The following KDM2A variants were observed in gnomAD, a reference collection of about 807,000 sequenced individuals.
The protein encoded by KDM2A is lysine-specific demethylase 2A.
KDM2A carries 3 observed loss-of-function variants against 137.3 expected under a neutral mutation model. The observed-to-expected ratio is 0.02, with a 90% confidence interval of 0.01 to 0.06. KDM2A has a LOEUF of 0.06. KDM2A is among the 10% of genes least tolerant of loss of function. The probability of loss-of-function intolerance (pLI) is 1.00; values close to 1 mark genes in which losing one functional copy is unlikely to be tolerated. For missense variants in KDM2A, 738 were observed against 1,510.6 expected (o/e 0.49, Z 8.48); for synonymous variants, 512 against 541.5 (o/e 0.95, Z 0.76).
chr11:67,172,644 GTGTGT>G, intron 2 of KDM2A, among the ~76,000 whole-genome samples: 1 of 151,608 alleles, frequency 6.6e-6, no homozygotes, highest in Non-Finnish European at 1.5e-5. Flanking sequence ...GTGTGTGTGT[GTGTGT>G]GGATTCCTTA....
At chr11:67,221,437 T>C (rs1181037882) in intron 10 of KDM2A, among the ~76,000 whole-genome samples, 1 of 152,216 alleles carries the variant, frequency 6.6e-6, no homozygotes, top group African/African-American at 2.4e-5. Context: ...AACTTTTATA[T>C]GAATGGTCTT....
At chr11:67,181,644 G>A (rs1857093956) in intron 4 of KDM2A, among the ~76,000 whole-genome samples, 1 of 150,560 alleles carries the variant, frequency 6.6e-6, no homozygotes, top group Non-Finnish European at 1.5e-5. Context: ...CCACCCTTAG[G>A]TAGATCATTA....
At chr11:67,169,760 T>TCTC (rs1555084878) in intron 2 of KDM2A, among the ~76,000 whole-genome samples, 3 of 19,658 alleles carry the variant, frequency 1.5e-4, no homozygotes, top group African/African-American at 1.8e-4. Context: ...TCTCTCTCTC[T>TCTC]TTTTTTTTTT....
intron 5 of KDM2A, among the ~76,000 whole-genome samples, chr11:67,205,492 AT>A (rs1027746105): frequency 2.0e-5 from 3 of 150,436 alleles, no homozygotes; most frequent in African/African-American, 7.3e-5. Flanking sequence ...ATAGATATAA[AT>A]TTTTTTTTTC....
At chr11:67,218,669 A>T (rs955486766) in intron 9 of KDM2A, among the ~76,000 whole-genome samples, 2 of 151,974 alleles carry the variant, frequency 1.3e-5, no homozygotes, top group Non-Finnish European at 2.9e-5. Flanking sequence ...CAGTAGCGTG[A>T]TCTTGGCTCA....
chr11:67,165,751 A>G (rs1191475892), intron 2 of KDM2A, among the ~76,000 whole-genome samples: 4 of 152,202 alleles, frequency 2.6e-5, no homozygotes, highest in Non-Finnish European at 5.9e-5. Context: ...GGTTTTTATC[A>G]TTAACCAAGC....
intron 12 of KDM2A, among the ~76,000 whole-genome samples, chr11:67,242,274 GTGTA>G (rs1490153573): frequency 2.1e-4 from 15 of 69,892 alleles, no homozygotes; most frequent in Non-Finnish European, 2.6e-4. Context: ...CTGTGGGTGT[GTGTA>G]TGTGTGTGTG....
intron 2 of KDM2A, among the ~76,000 whole-genome samples, chr11:67,176,169 T>C (rs761041597): frequency 1.3e-5 from 2 of 152,204 alleles, no homozygotes; most frequent in African/African-American, 4.8e-5. Flanking sequence ...AGATACTAGA[T>C]TTCCCTTTTG....
At chr11:67,219,148 A>G in intron 9 of KDM2A, 140 bp from the exon 10 acceptor site, 1 of 435,568 alleles carries the variant, frequency 2.3e-6, no homozygotes, top group East Asian at 3.6e-5. Context: ...TGAGGCTTTG[A>G]GAGATTAAGT....
intron 1 of KDM2A, among the ~76,000 whole-genome samples, chr11:67,120,738 G>A (rs1447985849): frequency 1.3e-5 from 2 of 152,066 alleles, no homozygotes; most frequent in African/African-American, 4.8e-5. Flanking sequence ...GAGGGGTATG[G>A]GAAATTGTTT....
chr11:67,173,419 G>C (rs1177776648), intron 2 of KDM2A, among the ~76,000 whole-genome samples: 1 of 152,150 alleles, frequency 6.6e-6, no homozygotes, highest in Non-Finnish European at 1.5e-5. Flanking sequence ...ACCGTTCTTG[G>C]CCTAATTTTT....
In KDM2A at chr11:67,254,183, C is replaced by T; in HGVS notation, c.3092-20C>T. ...AGAGAATTGAGAGTTTTGATCTAGG[C>T]TCTTCTCTTGCCTGTACAGGTCAGG... On this transcript the variant is annotated intron_variant, in intron 19 of 20. Coordinates refer to ENST00000529006, the MANE Select transcript of KDM2A (RefSeq NM_012308.3). This position sits in a 1 kb window ranked among gnomAD's most constrained non-coding sequence, Gnocchi z 4.7. The T allele has an allele frequency of 6.2e-7, 1 of 1,601,956 alleles. No homozygotes were observed. The highest frequency in any genetic ancestry group is 2.2e-5 in the East Asian group (1 of 44,758).
chr11:67,163,191 C>T (rs1343440491), intron 2 of KDM2A, among the ~76,000 whole-genome samples: 3 of 152,126 alleles, frequency 2.0e-5, no homozygotes, highest in Non-Finnish European at 4.4e-5. Flanking sequence ...TATGTTTGAC[C>T]TTCCTTCAAA....
At chr11:67,172,404 T>A (rs1436624178) in intron 2 of KDM2A, among the ~76,000 whole-genome samples, 1 of 152,220 alleles carries the variant, frequency 6.6e-6, no homozygotes, top group Non-Finnish European at 1.5e-5. Flanking sequence ...GCCTTTCAGT[T>A]CATGAACACA....
At chr11:67,151,402 CAG>C (rs1335598793) in intron 2 of KDM2A, among the ~76,000 whole-genome samples, 4 of 151,964 alleles carry the variant, frequency 2.6e-5, no homozygotes, top group Non-Finnish European at 5.9e-5. Context: ...TATTTTGAGA[CAG>C]AGTTTCACTC....
intron 5 of KDM2A, among the ~76,000 whole-genome samples, chr11:67,187,135 A>G (rs1245505649): frequency 6.6e-6 from 1 of 152,222 alleles, no homozygotes; most frequent in Non-Finnish European, 1.5e-5. Context: ...ATAACCATAA[A>G]GACAAGATCT....
rs1054078491 is a variant in KDM2A, at chr11:67,159,648, G to A, written c.43-20431G>A. On this transcript the variant is annotated intron_variant, in intron 2 of 20. Transcript: ENST00000529006. ...GCCATTTGCAACTAGTAAATAATCT[G>A]TGGGGTGATTCTTTGGCCATGAACA... is the stretch of plus-strand genomic sequence containing the variant. 2.0e-5 allele frequency among the ~76,000 whole-genome samples: 3 copies of A among 152,200 alleles called. No homozygotes were observed. In the East Asian group the frequency reaches 5.8e-4, roughly 29 times the overall value.
At chr11:67,186,582 G>A (rs1163598902) in intron 5 of KDM2A, among the ~76,000 whole-genome samples, 1 of 152,184 alleles carries the variant, frequency 6.6e-6, no homozygotes, top group Non-Finnish European at 1.5e-5. Context: ...CTCGATAAAG[G>A]TAAATACATG....
intron 10 of KDM2A, 56 bp from the exon 11 acceptor site, chr11:67,227,981 G>T: frequency 1.9e-6 from 3 of 1,545,166 alleles, no homozygotes; most frequent in Non-Finnish European, 2.7e-6. Context: ...AATTCCATTT[G>T]TTGTACTCTC....
Sources: gnomAD v4.1 joint callset for allele counts (sites outside exome capture counted in the v4.1 genomes callset) on GRCh38, gnomAD v4.1.1 for gene constraint, Gnocchi (gnomAD v3.1) non-coding constraint, MANE v1.5 for transcripts, NCBI Gene and HGNC (gene_info 2026-07-23, HGNC 2026-07-21) for gene names.